The following BIN1 variants were observed in gnomAD, a reference collection of about 807,000 sequenced individuals.
BIN1 encodes myc box-dependent-interacting protein 1.
BIN1 carries 53 observed loss-of-function variants against 82.0 expected under a neutral mutation model. The ratio of observed to expected loss-of-function variants is 0.65; its 90% CI spans 0.52 to 0.81. The LOEUF is 0.81. BIN1 is among the 40% of genes least tolerant of loss of function. The probability of loss-of-function intolerance (pLI) is 0.00; values close to 1 mark genes in which losing one functional copy is unlikely to be tolerated. For synonymous variants in BIN1, 302 were observed against 328.0 expected, an observed-to-expected ratio of 0.92 and a Z score of 0.86; for missense variants, 642 against 784.4, an observed-to-expected ratio of 0.82 and a Z score of 2.17.
chr2:127,049,180 G>C (rs1682558420), intron 18 of BIN1, among the ~76,000 whole-genome samples: 1 of 152,222 alleles, frequency 6.6e-6, no homozygotes, highest in Non-Finnish European at 1.5e-5. Flanking sequence ...GGCTGTGCCT[G>C]GGGCCTACCT....
intron 1 of BIN1, chr2:127,081,766 C>G (rs961876210): frequency 7.0e-5 from 89 of 1,278,504 alleles, no homozygotes; most frequent in Non-Finnish European, 8.9e-5. Flanking sequence ...CCTCATCCAG[C>G]AAATCTCCCT....
rs1310442415 is a variant in BIN1 at position 127,057,523 on chromosome 2, G to C, written c.1081C>G (p.Leu361Val). The change falls in exon 12 of 19, where the codon CTG (leucine) becomes GTG (valine). Residue 361 changes from leucine to valine, a missense_variant. Leu to Val is a conservative substitution (Grantham distance 32, BLOSUM62 1). Coordinates refer to ENST00000316724, the MANE Select transcript of BIN1 (RefSeq NM_139343.3). The surrounding 1 kb of genome is among the most constrained non-coding windows in gnomAD (Gnocchi z 5.0). ...TCAGGGACAAACGTGTCCTCAAACA[G>C]GCTGAGGATCTGCTCCTGCTTGACT... ...KEVKQEQILS[L>V]FEDTFVPEIS... 6.5e-7 allele frequency: 1 copy of C among 1,547,354 alleles called. No individual in the cohort carries two copies. The highest frequency in any genetic ancestry group is 8.7e-7 in the Non-Finnish European group (1 of 1,144,032).
chr2:127,063,584 T>A lies in BIN1; in HGVS notation c.761A>T (p.Lys254Met). 1.9e-6 allele frequency: 3 copies of A among 1,613,974 alleles called. No homozygotes were observed. Among genetic ancestry groups the A allele is most frequent in the Non-Finnish European group, 2.5e-6 (3 of 1,179,968 alleles). The change falls in exon 9 of 19, where the codon AAG becomes ATG. Residue 254 changes from lysine to methionine, a missense_variant. Coordinates refer to ENST00000316724, the MANE Select transcript of BIN1 (RefSeq NM_139343.3). ...CCCATGGCCTACCTTGCTCATCTCC[T>A]TGTGGAAGTTTTCCTCCAGGCCCGC... ...SIAGLEENFH[K>M]EMSKLNQNLN...
chr2:127,061,198 C>T (rs1415960281), intron 10 of BIN1, among the ~76,000 whole-genome samples: 4 of 147,206 alleles, frequency 2.7e-5, no homozygotes, highest in East Asian at 2.1e-4. Flanking sequence ...TCCACAACCC[C>T]CACCCCGCTA....
intron 10 of BIN1, chr2:127,060,765 A>G (rs1684345101): frequency 1.5e-6 from 2 of 1,297,400 alleles, no homozygotes; most frequent in African/African-American, 2.9e-5. Flanking sequence ...AGCCTCTCCT[A>G]AGTGCCAGAG....
At chr2:127,106,765 A>C in intron 1 of BIN1, 95 bp downstream of exon 1, 1 of 1,447,322 alleles carries the variant, frequency 6.9e-7, no homozygotes, top group Non-Finnish European at 9.3e-7. Context: ...ATCCTGGCGA[A>C]GGACCAGGCC....
At chr2:127,075,651 C>T (rs144707924) in intron 2 of BIN1, among the ~76,000 whole-genome samples, 1 of 152,278 alleles carries the variant, frequency 6.6e-6, no homozygotes, top group African/African-American at 2.4e-5. Context: ...CTCCCCTCTG[C>T]TCCCAGCCCT....
At chr2:127,069,771 G>A (rs536634532) in intron 5 of BIN1, among the ~76,000 whole-genome samples, 2 of 135,550 alleles carry the variant, frequency 1.5e-5, no homozygotes, top group East Asian at 3.9e-4. Flanking sequence ...CACACGTGCC[G>A]TGAGGCTTCC....
chr2:127,100,708 C>G (rs1237507260), intron 1 of BIN1, among the ~76,000 whole-genome samples: 4 of 152,222 alleles, frequency 2.6e-5, no homozygotes, highest in African/African-American at 7.2e-5. Context: ...AGCCCTGACC[C>G]CTGTCAGCCC....
At chr2:127,076,397 C>T (rs934973869) in intron 2 of BIN1, among the ~76,000 whole-genome samples, 22 of 149,282 alleles carry the variant, frequency 1.5e-4, no homozygotes, top group Non-Finnish European at 3.3e-4. Context: ...CCCCAACTAC[C>T]GTTTCTATGT....
At position 127,068,974 on chromosome 2, in the gene BIN1, A is replaced by G. The variant is rs1553466026; in HGVS notation, c.469T>C (p.Tyr157His). ...LVDYDSARHH[Y>H]ESLQTAKKKD... ...TTTTTGGCAGTTTGAAGGGACTCGT[A>G]GTGGTGCCGGGCACTGTCGTAGTCC... The change falls in exon 6 of 19, where the codon TAC (tyrosine) becomes CAC (histidine). Residue 157 changes from tyrosine (Y) to histidine (H), a missense_variant. Tyr to His is a moderately conservative substitution (Grantham distance 83). Transcript: ENST00000316724. The surrounding 1 kb of genome is among the most constrained non-coding windows in gnomAD (Gnocchi z 4.9). The G allele has an allele frequency of 1.9e-6, 3 of 1,614,150 alleles. No individual in the cohort carries two copies. The highest frequency in any genetic ancestry group is 3.3e-5 in the Admixed American group (2 of 60,020).
In BIN1 at chr2:127,063,922, C is replaced by A. The variant is rs752456111; in HGVS notation, c.698+11G>T. The A allele has an allele frequency of 3.1e-6, 5 of 1,612,990 alleles. No individual in the cohort carries two copies. In the African/African-American group the frequency reaches 4.0e-5, roughly 13 times the overall value. ...TGCCCCACGCAGGCTGGGCACCGTG[C>A]TGGGCCTCACCTGTTCCACAGGGAC... is the stretch of plus-strand genomic sequence containing the variant. On this transcript the variant is annotated intron_variant, in intron 8 of 18. Coordinates refer to ENST00000316724, the MANE Select transcript of BIN1 (RefSeq NM_139343.3).
At chr2:127,056,001 G>C (rs971132473) in intron 12 of BIN1, 1 of 152,220 alleles carries the variant, frequency 6.6e-6, no homozygotes, top group Admixed American at 6.5e-5. Flanking sequence ...GCCTGGGTGC[G>C]GGTGGTCTCT....
At chr2:127,053,539 C>T (rs1683243704) in intron 13 of BIN1, 94 bp from the exon 14 acceptor site, 2 of 1,503,690 alleles carry the variant, frequency 1.3e-6, no homozygotes, top group African/African-American at 1.4e-5. Flanking sequence ...CCGCTCGCCC[C>T]AGGCCATCCA....
chr2:127,048,091 C>T lies in BIN1; in HGVS notation c.*435G>A. 1 of 204,088 alleles carries T rather than the reference C, an allele frequency of 4.9e-6. No homozygotes were observed. Among genetic ancestry groups the T allele is most frequent in the Non-Finnish European group, 1.0e-5 (1 of 98,656 alleles). The allele number at this position is 204,088 out of a possible 1,614,324, so 12.6% of individuals were successfully genotyped here. A position where few individuals can be genotyped will look rare whatever the true frequency, so the allele number is the denominator to read the frequency against. ...TGTTTTGAACACTAAGATTTATTTT[C>T]AAACAGCACACAGACCGTCTGCGGG... is the stretch of plus-strand genomic sequence containing the variant. On this transcript the variant is annotated 3_prime_UTR_variant, in exon 19 of 19. Coordinates refer to ENST00000316724, the MANE Select transcript of BIN1 (RefSeq NM_139343.3).
intron 1 of BIN1, among the ~76,000 whole-genome samples, chr2:127,083,071 CTTTTT>C (rs1227363301): frequency 6.9e-6 from 1 of 144,328 alleles, no homozygotes; most frequent in Admixed American, 7.0e-5. Context: ...CACTCATTTG[CTTTTT>C]TCTTTTTTTT....
At chr2:127,101,763 T>C (rs1680377443) in intron 1 of BIN1, among the ~76,000 whole-genome samples, 1 of 152,174 alleles carries the variant, frequency 6.6e-6, no homozygotes, top group South Asian at 2.1e-4. Context: ...TAAAGCTCTC[T>C]GATTCCCAAG....
intron 1 of BIN1, among the ~76,000 whole-genome samples, chr2:127,087,410 C>G (rs1300650157): frequency 1.3e-5 from 2 of 152,220 alleles, no homozygotes; most frequent in Non-Finnish European, 2.9e-5. Flanking sequence ...TCCCAGGGTG[C>G]CTGAAATTCC....
Position 127,050,585 on chromosome 2 carries a change from G to C in BIN1, c.1573-63C>G, listed in dbSNP as rs7558000. 1,851 of 1,575,212 alleles carry C rather than the reference G, an allele frequency of 1.2e-3. 8 individuals carry two copies. The highest frequency in any genetic ancestry group is 7.1e-4 in the Non-Finnish European group (820 of 1,147,062). ...CCACCTCCAGCCCTGCACAGAGCAC[G>C]GGCCTTGCGTGTGGGAGGTGCAGGT... On this transcript the variant is annotated intron_variant, in intron 17 of 18. Transcript: ENST00000316724.
Sources: gnomAD v4.1 joint callset for allele counts (sites outside exome capture counted in the v4.1 genomes callset) on GRCh38, gnomAD v4.1.1 for gene constraint, Gnocchi (gnomAD v3.1) non-coding constraint, MANE v1.5 for transcripts, NCBI Gene and HGNC (gene_info 2026-07-23, HGNC 2026-07-21) for gene names.